The following SNTA1 variants were observed in gnomAD, a reference collection of about 807,000 sequenced individuals.
SNTA1 encodes the protein alpha-1-syntrophin.
A neutral mutation model predicts 47.1 loss-of-function variants in SNTA1; 31 were observed. The observed-to-expected ratio is 0.66, with a 90% CI of 0.49 to 0.89. SNTA1 has a LOEUF of 0.89. SNTA1 is among the 40% of genes least tolerant of loss of function. The pLI is 0.00. For synonymous variants in SNTA1, 300 were observed against 313.6 expected, an observed-to-expected ratio of 0.96 and a Z score of 0.46; for missense variants, 575 against 693.0, an observed-to-expected ratio of 0.83 and a Z score of 1.91.
intron 1 of SNTA1, among the ~76,000 whole-genome samples, chr20:33,441,015 C>T (rs1249633811): frequency 6.6e-6 from 1 of 152,206 alleles, no homozygotes; most frequent in East Asian, 1.9e-4. Context: ...ATCTTGGATA[C>T]AAAAGAAGCT....
At chr20:33,432,188 G>A (rs537334883) in intron 2 of SNTA1, among the ~76,000 whole-genome samples, 68 of 152,134 alleles carry the variant, frequency 4.5e-4, no homozygotes, top group Admixed American at 2.0e-4. Flanking sequence ...GTTGAAACAG[G>A]GTGGCCCCAA....
intron 2 of SNTA1, among the ~76,000 whole-genome samples, chr20:33,426,373 C>T (rs777563615): frequency 7.1e-4 from 105 of 148,472 alleles, no homozygotes; most frequent in Middle Eastern, 7.2e-3. Flanking sequence ...ATCGCTTGAA[C>T]TCAGGAGGCA....
chr20:33,428,271 T>C (rs756703026), intron 2 of SNTA1, among the ~76,000 whole-genome samples: 17 of 152,006 alleles, frequency 1.1e-4, no homozygotes, highest in Admixed American at 7.2e-4. Flanking sequence ...TAGCTGGGTG[T>C]GGTGGTGTGC....
Position 33,443,555 on chromosome 20 carries a change from C to T in SNTA1, c.66G>A (p.Gly22=). The T allele has an allele frequency of 7.5e-7, 1 of 1,333,432 alleles. No homozygotes were observed. Among genetic ancestry groups the T allele is most frequent in the Non-Finnish European group, 9.7e-7 (1 of 1,034,696 alleles). 82.6% of individuals were successfully genotyped at this position (1,333,432 alleles called of 1,614,324 possible). Residue 22 remains glycine, a synonymous_variant, in exon 1 of 8, where the codon GGG becomes GGA. Transcript: ENST00000217381. ...LLELRAGAGS[G]AGGERWQRVL... ...CCCGCTGCCATCGCTCGCCGCCGGC[C>T]CCCGAGCCCGCCCCGGCGCGCAGCT...
intron 2 of SNTA1, among the ~76,000 whole-genome samples, chr20:33,425,136 G>T (rs950075947): frequency 1.3e-5 from 2 of 151,900 alleles, no homozygotes; most frequent in Non-Finnish European, 2.9e-5. Flanking sequence ...AATTAGCCGG[G>T]CATGGTAGAG....
At chr20:33,437,838 C>T (rs1429294803) in intron 2 of SNTA1, among the ~76,000 whole-genome samples, 1 of 152,242 alleles carries the variant, frequency 6.6e-6, no homozygotes, top group Non-Finnish European at 1.5e-5. Context: ...CATGGGACAA[C>T]CTCAGCAGGA....
At chr20:33,422,143 G>C (rs1990043845) in intron 2 of SNTA1, among the ~76,000 whole-genome samples, 1 of 150,704 alleles carries the variant, frequency 6.6e-6, no homozygotes. Flanking sequence ...ACAAAACTGG[G>C]AACTCCTAAA....
intron 1 of SNTA1, 73 bp from the exon 2 acceptor site, chr20:33,439,099 T>C (rs536017131): frequency 7.3e-7 from 1 of 1,368,798 alleles, no homozygotes; most frequent in Non-Finnish European, 1.0e-6. Context: ...AAGACACAAT[T>C]ATTTCTGAAG....
intron 2 of SNTA1, among the ~76,000 whole-genome samples, chr20:33,429,335 A>C (rs1272062342): frequency 7.8e-4 from 4 of 5,132 alleles, no homozygotes; most frequent in Non-Finnish European, 1.1e-3. Flanking sequence ...GACTCCACCT[A>C]AAAAAAAAAA....
intron 2 of SNTA1, among the ~76,000 whole-genome samples, chr20:33,428,093 G>A (rs1990209518): frequency 6.6e-6 from 1 of 151,928 alleles, no homozygotes; most frequent in South Asian, 2.1e-4. Flanking sequence ...GCCCAATAAT[G>A]GGACACCACA....
At chr20:33,410,361 G>C (rs780530400) in intron 5 of SNTA1, 30 bp from the exon 6 acceptor site, 5 of 1,468,966 alleles carry the variant, frequency 3.4e-6, no homozygotes, top group Non-Finnish European at 4.7e-6. Context: ...GGCTGAGCAT[G>C]AGGCCTCAGG....
At chr20:33,409,873 C>G (rs1184728689) in intron 6 of SNTA1, among the ~76,000 whole-genome samples, 1 of 152,120 alleles carries the variant, frequency 6.6e-6, no homozygotes, top group Non-Finnish European at 1.5e-5. Context: ...TCAAGTGATC[C>G]ACCCGCCTCA....
Position 33,410,255 on chromosome 20 carries a change from G to A in SNTA1, c.1117C>T (p.Arg373Cys), listed in dbSNP as rs752149940. The A allele has an allele frequency of 8.7e-6, 14 of 1,613,048 alleles. No homozygotes were observed. Among genetic ancestry groups the A allele is most frequent in the South Asian group, 7.7e-5 (7 of 91,006 alleles). Residue 373 changes from arginine to cysteine, a missense_variant, in exon 6 of 8, where the codon CGT (arginine) becomes TGT (cysteine). Coordinates refer to ENST00000217381, the MANE Select transcript of SNTA1 (RefSeq NM_003098.3). Reference sequence around the variant, plus strand: ...AACAGGTGAGTGTCCACACCGTGACGCGTGCCCGTGCGCAGGGCAAAAGAG... The same window carrying A: ...AACAGGTGAGTGTCCACACCGTGACACGTGCCCGTGCGCAGGGCAAAAGAG... ...ELSFALRTGTRHGVDTHLFSV... is the reference protein window; with the variant it reads ...ELSFALRTGTCHGVDTHLFSV...
chr20:33,432,163 G>T (rs1990325680), intron 2 of SNTA1, among the ~76,000 whole-genome samples: 1 of 152,184 alleles, frequency 6.6e-6, no homozygotes, highest in Non-Finnish European at 1.5e-5. Context: ...CTGGGGCACA[G>T]CATGACTCAG....
At chr20:33,420,301 T>A (rs900067810) in intron 2 of SNTA1, among the ~76,000 whole-genome samples, 2 of 152,192 alleles carry the variant, frequency 1.3e-5, no homozygotes, top group Non-Finnish European at 2.9e-5. Flanking sequence ...GAGTTTTCGA[T>A]GATACCATGA....
chr20:33,443,229 G>T, intron 1 of SNTA1, 82 bp downstream of exon 1: 1 of 1,155,104 alleles, frequency 8.7e-7, no homozygotes, highest in Non-Finnish European at 1.2e-6. Context: ...CCAGCTCCAT[G>T]TCCTGGGCGC....
At chr20:33,438,038 T>C (rs905479463) in intron 2 of SNTA1, among the ~76,000 whole-genome samples, 6 of 152,172 alleles carry the variant, frequency 3.9e-5, no homozygotes, top group African/African-American at 1.4e-4. Context: ...TGGTGGCTCA[T>C]GCCTGTAATC....
Position 33,408,470 on chromosome 20 carries a change from G to A in SNTA1, c.*37C>T, listed in dbSNP as rs144393117. On this transcript the variant is annotated 3_prime_UTR_variant, in exon 8 of 8. Coordinates refer to ENST00000217381, the MANE Select transcript of SNTA1 (RefSeq NM_003098.3). ...GGAGGCCCAGCTCAGGCCATGTCATGGACACCCCTCTTCAGGGCTAGTGCA... is the reference window on the plus strand; with the variant it reads ...GGAGGCCCAGCTCAGGCCATGTCATAGACACCCCTCTTCAGGGCTAGTGCA... 123 of 1,452,730 alleles carry A rather than the reference G, an allele frequency of 8.5e-5. 1 individual carries two copies. In the South Asian group the frequency reaches 1.1e-3, roughly 13 times the overall value. The allele number at this position is 1,452,730 out of a possible 1,614,324, so 90.0% of individuals were successfully genotyped here.
chr20:33,427,062 C>CAAAAAAA (rs914615779), intron 2 of SNTA1, among the ~76,000 whole-genome samples: 1 of 61,066 alleles, frequency 1.6e-5, no homozygotes, highest in Non-Finnish European at 3.6e-5. Context: ...AACCCTGTCT[C>CAAAAAAA]AAAAAAAAAA....
Sources: gnomAD v4.1 joint callset for allele counts (sites outside exome capture counted in the v4.1 genomes callset) on GRCh38, gnomAD v4.1.1 for gene constraint, MANE v1.5 for transcripts, NCBI Gene and HGNC (gene_info 2026-07-23, HGNC 2026-07-21) for gene names.